The following SGCZ variants were observed in gnomAD, a reference collection of about 807,000 sequenced individuals.
The protein encoded by SGCZ is zeta-sarcoglycan.
In SGCZ, 40 loss-of-function variants were observed where a neutral mutation model predicts 41.3. The observed-to-expected ratio is 0.97, with a 90% CI of 0.75 to 1.26. SGCZ has a LOEUF of 1.26. Among genes scored for constraint, SGCZ ranks in the 50% most tolerant of loss-of-function variants. The pLI, the probability that SGCZ is intolerant of heterozygous loss-of-function variation, is 0.00. For synonymous variants in SGCZ, 206 were observed against 137.5 expected, an observed-to-expected ratio of 1.50 and a Z score of -3.49; for missense variants, 552 against 369.8, an observed-to-expected ratio of 1.49 and a Z score of -4.04.
At chr8:15,016,597 T>C (rs1418032906) in intron 1 of SGCZ, among the ~76,000 whole-genome samples, 3 of 152,200 alleles carry the variant, frequency 2.0e-5, no homozygotes, top group African/African-American at 4.8e-5. Context: ...CTGGGCTCTA[T>C]ACTAGGTTAA....
chr8:14,169,273 C>A (rs886227458), intron 4 of SGCZ, among the ~76,000 whole-genome samples: 2 of 152,166 alleles, frequency 1.3e-5, no homozygotes, highest in Admixed American at 1.3e-4. Context: ...CCTCTGCCAG[C>A]TACTGTCTCC....
At chr8:14,957,536 T>C (rs1043812606) in intron 1 of SGCZ, among the ~76,000 whole-genome samples, 1 of 152,070 alleles carries the variant, frequency 6.6e-6, no homozygotes, top group Non-Finnish European at 1.5e-5. Context: ...ACCTGAATTT[T>C]ACAAATCATT....
chr8:15,007,203 TA>T (rs1802636490), intron 1 of SGCZ, among the ~76,000 whole-genome samples: 2 of 152,210 alleles, frequency 1.3e-5, no homozygotes, highest in Non-Finnish European at 2.9e-5. Flanking sequence ...AAAATGCTTT[TA>T]ATGTATTTGT....
chr8:14,792,611 C>A (rs1174468082), intron 1 of SGCZ, among the ~76,000 whole-genome samples: 1 of 151,968 alleles, frequency 6.6e-6, no homozygotes, highest in Admixed American at 6.6e-5. Context: ...TACATGTGCA[C>A]AATGTGCAGG....
intron 1 of SGCZ, among the ~76,000 whole-genome samples, chr8:14,979,214 G>C (rs1801584322): frequency 6.6e-6 from 1 of 152,100 alleles, no homozygotes; most frequent in South Asian, 2.1e-4. Context: ...ATCATCTCAG[G>C]TAACATCAAA....
chr8:14,634,012 A>G (rs1806745845), intron 1 of SGCZ, among the ~76,000 whole-genome samples: 1 of 151,940 alleles, frequency 6.6e-6, no homozygotes, highest in Non-Finnish European at 1.5e-5. Context: ...TGATTCTAAT[A>G]CATTTTCCAG....
chr8:15,107,752 T>C (rs1042877632), intron 1 of SGCZ, among the ~76,000 whole-genome samples: 3 of 152,206 alleles, frequency 2.0e-5, no homozygotes, highest in Non-Finnish European at 4.4e-5. Context: ...TCAATGTTTG[T>C]AGAGAGTTCA....
intron 1 of SGCZ, among the ~76,000 whole-genome samples, chr8:14,975,681 G>A (rs1161527087): frequency 6.6e-6 from 1 of 151,806 alleles, no homozygotes; most frequent in African/African-American, 2.4e-5. Context: ...ACACAGCAGT[G>A]ATTTCTCCCC....
At chr8:15,035,774 C>T (rs1194114252) in intron 1 of SGCZ, among the ~76,000 whole-genome samples, 1 of 152,024 alleles carries the variant, frequency 6.6e-6, no homozygotes, top group African/African-American at 2.4e-5. Context: ...ATCAATTTAT[C>T]AAGAGAATAT....
chr8:14,240,790 T>A (rs1332537712), intron 3 of SGCZ, among the ~76,000 whole-genome samples: 1 of 152,208 alleles, frequency 6.6e-6, no homozygotes, highest in Non-Finnish European at 1.5e-5. Context: ...CAATACCATA[T>A]CTTTGTGGAT....
intron 1 of SGCZ, among the ~76,000 whole-genome samples, chr8:14,800,338 A>G (rs1018984312): frequency 1.3e-5 from 2 of 152,190 alleles, no homozygotes; most frequent in Non-Finnish European, 2.9e-5. Context: ...ACCTCATACT[A>G]TAGATAGAGC....
At chr8:14,094,539 T>G (rs1399871511) in intron 7 of SGCZ, among the ~76,000 whole-genome samples, 1 of 152,190 alleles carries the variant, frequency 6.6e-6, no homozygotes, top group African/African-American at 2.4e-5. Flanking sequence ...CATTCATTGA[T>G]GGGCATTTGG....
At chr8:14,530,960 C>T (rs572788549) in intron 2 of SGCZ, among the ~76,000 whole-genome samples, 148 of 152,156 alleles carry the variant, frequency 9.7e-4, no homozygotes, top group African/African-American at 3.4e-3. Context: ...AGGAGGCAGA[C>T]AAGTTCCCAG....
At chr8:14,932,799 T>C (rs532267435) in intron 1 of SGCZ, among the ~76,000 whole-genome samples, 1 of 152,174 alleles carries the variant, frequency 6.6e-6, no homozygotes, top group South Asian at 2.1e-4. Context: ...TTAATAATCT[T>C]TTCTAAATGC....
chr8:15,166,526 G>T lies in SGCZ; in HGVS notation c.39+71059C>A, dbSNP rs986282158. ...GCCTCCCAAAGTGCTGGGATTACAG[G>T]TGTGAGCCACCACGCCTGGCCGATG... On this transcript the variant is annotated intron_variant, in intron 1 of 7. Coordinates refer to ENST00000382080, the MANE Select transcript of SGCZ (RefSeq NM_139167.4). 2.0e-5 allele frequency among the ~76,000 whole-genome samples: 3 copies of T among 152,222 alleles called. No individual in the cohort carries two copies. In the South Asian group the frequency reaches 6.2e-4, roughly 32 times the overall value.
At chr8:15,129,715 A>ACAAC (rs1807831873) in intron 1 of SGCZ, among the ~76,000 whole-genome samples, 1 of 151,548 alleles carries the variant, frequency 6.6e-6, no homozygotes, top group South Asian at 2.1e-4. Context: ...TGCAAAAAAA[A>ACAAC]AAAAAAAAAA....
intron 1 of SGCZ, among the ~76,000 whole-genome samples, chr8:15,184,343 T>A (rs1382584701): frequency 6.6e-6 from 1 of 152,168 alleles, no homozygotes; most frequent in Admixed American, 6.5e-5. Flanking sequence ...GCAAGTATCA[T>A]AGAATCAAAC....
intron 1 of SGCZ, among the ~76,000 whole-genome samples, chr8:14,580,871 T>C (rs1293506247): frequency 6.6e-6 from 1 of 152,186 alleles, no homozygotes. Context: ...AGAAACATCA[T>C]GGTTGATTAG....
At chr8:14,574,543 G>C (rs1026581964) in intron 1 of SGCZ, among the ~76,000 whole-genome samples, 4 of 152,154 alleles carry the variant, frequency 2.6e-5, no homozygotes, top group Non-Finnish European at 4.4e-5. Context: ...GACAGGACTT[G>C]CTAGGTTTCC....
Sources: gnomAD v4.1 joint callset for allele counts (sites outside exome capture counted in the v4.1 genomes callset) on GRCh38, gnomAD v4.1.1 for gene constraint, MANE v1.5 for transcripts, NCBI Gene and HGNC (gene_info 2026-07-23, HGNC 2026-07-21) for gene names.